COG5: variants seen among roughly 807,000 people sequenced by gnomAD.
COG5 encodes the protein conserved oligomeric Golgi complex subunit 5.
A neutral mutation model predicts 110.4 loss-of-function variants in COG5; 86 were observed. The observed-to-expected ratio is 0.78, with a 90% CI of 0.65 to 0.93. COG5 has a LOEUF of 0.93. Ranked by LOEUF, COG5 falls within the 40% of genes least tolerant of loss-of-function variation. The pLI, the probability that COG5 is intolerant of heterozygous loss-of-function variation, is 0.00. For missense variants in COG5, 1,077 were observed against 987.0 expected (o/e 1.09, Z -1.22); for synonymous variants, 360 against 334.6 (o/e 1.08, Z -0.83).
chr7:107,318,165 C>G (rs1276388552), intron 11 of COG5, among the ~76,000 whole-genome samples: 4 of 152,032 alleles, frequency 2.6e-5, no homozygotes, highest in African/African-American at 9.7e-5. Context: ...GCAGCTGGGA[C>G]TACAGACGCG....
chr7:107,242,266 G>A (rs1801702879), intron 17 of COG5, among the ~76,000 whole-genome samples: 1 of 152,174 alleles, frequency 6.6e-6, no homozygotes, highest in Admixed American at 6.5e-5. Context: ...AGCAAAACAG[G>A]ACAACGCCTC....
chr7:107,551,313 A>G (rs1019286818), intron 3 of COG5, among the ~76,000 whole-genome samples: 33 of 152,212 alleles, frequency 2.2e-4, no homozygotes, highest in African/African-American at 8.0e-4. Flanking sequence ...TCAAAATTCC[A>G]TGAAAACAAA....
intron 19 of COG5, among the ~76,000 whole-genome samples, chr7:107,225,361 G>A (rs928219283): frequency 6.6e-6 from 1 of 151,814 alleles, no homozygotes; most frequent in Admixed American, 6.6e-5. Flanking sequence ...TTTAAAAATA[G>A]TATTTGACTT....
At chr7:107,289,965 A>T (rs941245980) in intron 12 of COG5, among the ~76,000 whole-genome samples, 1 of 152,184 alleles carries the variant, frequency 6.6e-6, no homozygotes, top group Non-Finnish European at 1.5e-5. Flanking sequence ...CAGCTGCAAG[A>T]TGGAAGGCCA....
At chr7:107,346,035 A>T (rs1395714426) in intron 10 of COG5, among the ~76,000 whole-genome samples, 1 of 152,150 alleles carries the variant, frequency 6.6e-6, no homozygotes, top group Admixed American at 6.5e-5. Context: ...ACTTTTACTT[A>T]AAAAAAGTAG....
At chr7:107,229,687 G>A (rs1326472062) in intron 19 of COG5, among the ~76,000 whole-genome samples, 1 of 152,102 alleles carries the variant, frequency 6.6e-6, no homozygotes, top group Non-Finnish European at 1.5e-5. Context: ...GTTAGATCAT[G>A]AATATGAATC....
intron 11 of COG5, among the ~76,000 whole-genome samples, chr7:107,300,626 T>A (rs534284255): frequency 1.1e-4 from 16 of 152,014 alleles, no homozygotes; most frequent in Admixed American, 1.3e-4. Context: ...AAATGGGAAA[T>A]AGCTGCACAC....
chr7:107,236,758 C>G, intron 17 of COG5, 71 bp from the exon 18 acceptor site: 2 of 938,444 alleles, frequency 2.1e-6, no homozygotes, highest in Non-Finnish European at 3.5e-6. Flanking sequence ...GTACCCCTCT[C>G]CCCACCAATG....
intron 6 of COG5, among the ~76,000 whole-genome samples, chr7:107,491,569 C>G (rs1797976272): frequency 6.6e-6 from 1 of 152,028 alleles, no homozygotes; most frequent in Admixed American, 6.6e-5. Flanking sequence ...TTTTCAAAGC[C>G]CTTTTAGCAA....
chr7:107,487,498 G>A (rs1211443583), intron 6 of COG5, among the ~76,000 whole-genome samples: 1 of 151,904 alleles, frequency 6.6e-6, no homozygotes, highest in Non-Finnish European at 1.5e-5. Context: ...ACCGTGCCTG[G>A]CTAGCAAATA....
chr7:107,454,170 C>A (rs941767659), intron 6 of COG5, among the ~76,000 whole-genome samples: 3 of 152,050 alleles, frequency 2.0e-5, no homozygotes, highest in Non-Finnish European at 2.9e-5. Context: ...AATATCTAAA[C>A]ACAGAATCCA....
intron 10 of COG5, among the ~76,000 whole-genome samples, chr7:107,356,699 A>G (rs903545815): frequency 1.3e-5 from 2 of 152,110 alleles, no homozygotes; most frequent in African/African-American, 4.8e-5. Context: ...TGCCCTAGGG[A>G]AAAAAAGTAT....
chr7:107,324,090 C>A (rs1809545868), intron 11 of COG5, among the ~76,000 whole-genome samples: 1 of 152,074 alleles, frequency 6.6e-6, no homozygotes, highest in Admixed American at 6.6e-5. Context: ...TTTAGTTATA[C>A]ACTAATTCTA....
intron 10 of COG5, among the ~76,000 whole-genome samples, chr7:107,332,755 C>G (rs145575122): frequency 6.6e-6 from 1 of 151,966 alleles, no homozygotes; most frequent in African/African-American, 2.4e-5. Context: ...TTACTGAAAC[C>G]TGAGTGTGAA....
intron 5 of COG5, among the ~76,000 whole-genome samples, chr7:107,540,050 A>G (rs959095714): frequency 6.6e-6 from 1 of 152,188 alleles, no homozygotes; most frequent in African/African-American, 2.4e-5. Flanking sequence ...AAGAAAGCCA[A>G]AAAAGCTAGT....
At chr7:107,346,459 G>C (rs1811611130) in intron 10 of COG5, among the ~76,000 whole-genome samples, 1 of 152,160 alleles carries the variant, frequency 6.6e-6, no homozygotes, top group Non-Finnish European at 1.5e-5. Flanking sequence ...GGCAAAACTT[G>C]TTCAAGAAAA....
rs534744134 is a variant in COG5 at position 107,353,100 on chromosome 7, A to G, written c.1026+8933T>C. ...ACCTAAAATTCTAATTTAAAAATGAAATACTGCATCCATTCATATAAACCA... is the reference window on the plus strand; with the variant it reads ...ACCTAAAATTCTAATTTAAAAATGAGATACTGCATCCATTCATATAAACCA... On this transcript the variant is annotated intron_variant, in intron 10 of 21. Coordinates refer to ENST00000297135, the MANE Select transcript of COG5 (RefSeq NM_006348.5). 3.9e-4 allele frequency among the ~76,000 whole-genome samples: 60 copies of G among 152,314 alleles called. 1 individual carries two copies. In the South Asian group the frequency reaches 0.012, roughly 29 times the overall value.
chr7:107,539,198 C>T (rs1332820838), intron 5 of COG5, among the ~76,000 whole-genome samples: 1 of 152,110 alleles, frequency 6.6e-6, no homozygotes, highest in African/African-American at 2.4e-5. Flanking sequence ...TGCACTCCAG[C>T]CTGGATGACA....
At chr7:107,270,781 T>C (rs1350810765) in intron 14 of COG5, among the ~76,000 whole-genome samples, 1 of 152,098 alleles carries the variant, frequency 6.6e-6, no homozygotes, top group Non-Finnish European at 1.5e-5. Context: ...ACTGTGAATT[T>C]GAATATACTG....
Sources: allele counts gnomAD v4.1 joint callset (sites outside exome capture counted in the v4.1 genomes callset), GRCh38; gene constraint gnomAD v4.1.1; transcripts MANE v1.5; gene names NCBI Gene and HGNC (gene_info 2026-07-23, HGNC 2026-07-21).